The following SNX29 variants were observed in gnomAD, a reference collection of about 807,000 sequenced individuals.
The protein encoded by SNX29 is sorting nexin-29.
A neutral mutation model predicts 102.1 loss-of-function variants in SNX29; 78 were observed. The ratio of observed to expected loss-of-function variants is 0.76; its 90% CI spans 0.64 to 0.92. The LOEUF is 0.92. Among genes scored for constraint, SNX29 ranks in the 40% least tolerant of loss-of-function variants. The pLI, the probability that SNX29 is intolerant of heterozygous loss-of-function variation, is 0.00. For missense variants in SNX29, 1,280 were observed against 1,061.7 expected (o/e 1.21, Z -2.86); for synonymous variants, 580 against 414.5 (o/e 1.40, Z -4.85).
At chr16:12,011,319 A>G (rs2056647109) in intron 3 of SNX29, among the ~76,000 whole-genome samples, 1 of 149,312 alleles carries the variant, frequency 6.7e-6, no homozygotes, top group East Asian at 2.0e-4. Flanking sequence ...TCTGTCGCCC[A>G]GGCTGGAGTG....
chr16:12,158,261 G>T (rs2055638054), intron 13 of SNX29, among the ~76,000 whole-genome samples: 1 of 151,922 alleles, frequency 6.6e-6, no homozygotes, highest in Non-Finnish European at 1.5e-5. Context: ...GTGCAGTGGC[G>T]CAATCTCGGC....
Position 12,573,869 on chromosome 16 carries a change from T to C in SNX29, c.*5240T>C, listed in dbSNP as rs574517760. 3.0e-4 allele frequency: 63 copies of C among 209,782 alleles called. No individual in the cohort carries two copies. Among genetic ancestry groups the C allele is most frequent in the African/African-American group, 1.1e-3 (49 of 44,156 alleles). The allele number at this position is 209,782 out of a possible 1,614,324, so 13.0% of individuals were successfully genotyped here. A position where few individuals can be genotyped will look rare whatever the true frequency, so the allele number is the denominator to read the frequency against. On this transcript the variant is annotated 3_prime_UTR_variant, in exon 21 of 21. Coordinates refer to ENST00000566228, the MANE Select transcript of SNX29 (RefSeq NM_032167.5). ...TCCTAAGAAGAATGTTGGCCTCTCT[T>C]CATCCCTGGCTTAGCCGTCAGGTAG...
intron 16 of SNX29, among the ~76,000 whole-genome samples, chr16:12,380,466 ACCAT>A (rs1567502505): frequency 2.2e-5 from 2 of 90,030 alleles, no homozygotes; most frequent in Admixed American, 1.1e-4. Context: ...CCATCCACCC[ACCAT>A]CCATCCACCC....
intron 13 of SNX29, among the ~76,000 whole-genome samples, chr16:12,136,167 CG>C (rs1411454282): frequency 6.6e-6 from 1 of 152,196 alleles, no homozygotes; most frequent in Non-Finnish European, 1.5e-5. Flanking sequence ...GTGGTATGGC[CG>C]GGGCCATTCT....
intron 10 of SNX29, among the ~76,000 whole-genome samples, chr16:12,070,193 A>G (rs1286834565): frequency 6.6e-6 from 1 of 151,376 alleles, no homozygotes; most frequent in South Asian, 2.1e-4. Flanking sequence ...CTTTTTTTTT[A>G]TTATTTAAGT....
chr16:12,565,095 C>G (rs756708122), intron 20 of SNX29, among the ~76,000 whole-genome samples: 1 of 152,072 alleles, frequency 6.6e-6, no homozygotes, highest in Non-Finnish European at 1.5e-5. Flanking sequence ...GGGTCGTCTT[C>G]TCTTCTGAGT....
chr16:12,440,159 C>A (rs553804583), intron 18 of SNX29, among the ~76,000 whole-genome samples: 74 of 152,334 alleles, frequency 4.9e-4, no homozygotes, highest in Non-Finnish European at 8.1e-4. Flanking sequence ...CAGCACCTGT[C>A]ACATCCTCCC....
intron 5 of SNX29, among the ~76,000 whole-genome samples, chr16:12,043,900 G>C (rs959665): frequency 6.6e-6 from 1 of 151,830 alleles, no homozygotes; most frequent in East Asian, 1.9e-4. Context: ...TTACAGGCCT[G>C]TGCCACCATA....
intron 13 of SNX29, among the ~76,000 whole-genome samples, chr16:12,199,188 A>G (rs560897631): frequency 5.9e-5 from 9 of 152,240 alleles, no homozygotes; most frequent in Non-Finnish European, 1.2e-4. Flanking sequence ...TACAAGTCAC[A>G]GTTGATAAAA....
intron 11 of SNX29, among the ~76,000 whole-genome samples, chr16:12,097,678 G>C (rs1181769601): frequency 2.6e-5 from 4 of 152,186 alleles, no homozygotes; most frequent in African/African-American, 9.7e-5. Flanking sequence ...CTCTAAGCTA[G>C]GATCAACTTT....
rs1028014914 is a variant in SNX29 at position 12,572,672 on chromosome 16, A to C, written c.*4043A>C. 2.3e-5 allele frequency: 24 copies of C among 1,063,238 alleles called. No individual in the cohort carries two copies. The African/African-American group carries it at 3.9e-4, about 17-fold the overall frequency. The allele number at this position is 1,063,238 out of a possible 1,614,324, so 65.9% of individuals were successfully genotyped here. A position where few individuals can be genotyped will look rare whatever the true frequency, so the allele number is the denominator to read the frequency against. On this transcript the variant is annotated 3_prime_UTR_variant, in exon 21 of 21. Transcript: ENST00000566228. ...AGCTCCTGTGTGAGCTGCAGCACCC[A>C]CACGGGGGAAGCCCTGCACTCCAGC... is the stretch of plus-strand genomic sequence containing the variant.
At chr16:12,079,746 G>A (rs943548699) in intron 11 of SNX29, among the ~76,000 whole-genome samples, 4 of 152,228 alleles carry the variant, frequency 2.6e-5, no homozygotes, top group Non-Finnish European at 5.9e-5. Flanking sequence ...GGGCTGGTAT[G>A]TGGCTCCACG....
At chr16:12,179,097 T>C (rs144660545) in intron 13 of SNX29, among the ~76,000 whole-genome samples, 3 of 152,306 alleles carry the variant, frequency 2.0e-5, no homozygotes, top group Non-Finnish European at 4.4e-5. Flanking sequence ...TGTGTGTCTG[T>C]GTGTGTGTAT....
chr16:12,093,729 G>C (rs976002122), intron 11 of SNX29: 1 of 152,220 alleles, frequency 6.6e-6, no homozygotes, highest in African/African-American at 2.4e-5. Flanking sequence ...TGAAGTGTCT[G>C]TTGTATCTGG....
chr16:12,457,309 AG>A (rs1184533127), intron 18 of SNX29, among the ~76,000 whole-genome samples: 1 of 152,216 alleles, frequency 6.6e-6, no homozygotes, highest in African/African-American at 2.4e-5. Context: ...TAGGTTGGCC[AG>A]GGTTGTCCAG....
At chr16:12,356,411 A>G (rs768223449) in intron 16 of SNX29, 132 bp downstream of exon 16, 34 of 704,208 alleles carry the variant, frequency 4.8e-5, no homozygotes, top group South Asian at 2.7e-4. Context: ...CCTCTGCCAC[A>G]TTTGCTTTTT....
intron 18 of SNX29, among the ~76,000 whole-genome samples, chr16:12,462,854 G>C (rs1027746626): frequency 1.3e-5 from 2 of 152,222 alleles, no homozygotes; most frequent in African/African-American, 4.8e-5. Flanking sequence ...ACATGGCTAA[G>C]GGGGGATCAT....
chr16:12,300,508 C>A (rs2080134134), intron 15 of SNX29, among the ~76,000 whole-genome samples: 1 of 152,154 alleles, frequency 6.6e-6, no homozygotes, highest in South Asian at 2.1e-4. Context: ...CTTAATAGTT[C>A]TGACAGTTTT....
At chr16:12,455,302 C>A (rs1770626810) in intron 18 of SNX29, among the ~76,000 whole-genome samples, 1 of 152,172 alleles carries the variant, frequency 6.6e-6, no homozygotes, top group Non-Finnish European at 1.5e-5. Flanking sequence ...GCCCTTTTGG[C>A]TGGGACTTCC....
Sources: allele counts gnomAD v4.1 joint callset (sites outside exome capture counted in the v4.1 genomes callset), GRCh38; gene constraint gnomAD v4.1.1; transcripts MANE v1.5; gene names NCBI Gene and HGNC (gene_info 2026-07-23, HGNC 2026-07-21).